The following ANKRD30B variants were observed in gnomAD, a reference collection of about 807,000 sequenced individuals.
ANKRD30B encodes the protein ankyrin repeat domain 30B.
A neutral mutation model predicts 202.2 loss-of-function variants in ANKRD30B; 144 were observed. That is an observed-to-expected ratio of 0.71 (90% CI 0.62 to 0.82). ANKRD30B has a LOEUF of 0.82. Ranked by LOEUF, ANKRD30B falls within the 40% of genes least tolerant of loss-of-function variation. ANKRD30B has a pLI of 0.00. For missense variants in ANKRD30B, 1,487 were observed against 1,669.1 expected, an observed-to-expected ratio of 0.89 and a Z score of 1.90; for synonymous variants, 508 against 561.3, an observed-to-expected ratio of 0.91 and a Z score of 1.34.
intron 30 of ANKRD30B, among the ~76,000 whole-genome samples, chr18:14,821,733 C>G (rs992775959): frequency 1.3e-5 from 2 of 152,176 alleles, no homozygotes; most frequent in Non-Finnish European, 2.9e-5. Flanking sequence ...TCTGGAGTTA[C>G]AGGCATGAGC....
chr18:14,859,967 G>A, the ANKRD30B span, among the ~76,000 whole-genome samples: 1 of 134,556 alleles, frequency 7.4e-6, no homozygotes. Flanking sequence ...CCCAGATGGG[G>A]CGACCGGGAA....
chr18:14,904,858 A>G, the ANKRD30B span, among the ~76,000 whole-genome samples: 1 of 152,182 alleles, frequency 6.6e-6, no homozygotes, highest in Non-Finnish European at 1.5e-5. Context: ...CTCCATCTTG[A>G]ATAGGGGCAT....
At chr18:14,940,467 G>A in the ANKRD30B span, among the ~76,000 whole-genome samples, 1 of 152,324 alleles carries the variant, frequency 6.6e-6, no homozygotes, top group Non-Finnish European at 1.5e-5. Flanking sequence ...CAGGCATGTG[G>A]GAAGGAGGGA....
intron 34 of ANKRD30B, among the ~76,000 whole-genome samples, chr18:14,832,048 AAC>A (rs1970971924): frequency 3.3e-5 from 5 of 151,982 alleles, no homozygotes; most frequent in Admixed American, 3.3e-4. Flanking sequence ...TCTTTAATTA[AAC>A]ACCAAAATAA....
chr18:14,805,514 T>G (rs1277350628), intron 24 of ANKRD30B, among the ~76,000 whole-genome samples: 4 of 150,256 alleles, frequency 2.7e-5, no homozygotes, highest in Admixed American at 2.6e-4. Context: ...AATCAATGAA[T>G]ATTTATATTT....
chr18:14,866,440 C>T, the ANKRD30B span, among the ~76,000 whole-genome samples: 15 of 152,082 alleles, frequency 9.9e-5, no homozygotes, highest in South Asian at 6.2e-4. Context: ...AGATGGCAGC[C>T]GGGGCGGTAG....
intron 9 of ANKRD30B, among the ~76,000 whole-genome samples, chr18:14,777,393 G>T (rs1967424188): frequency 6.6e-6 from 1 of 151,806 alleles, no homozygotes; most frequent in African/African-American, 2.4e-5. Flanking sequence ...CACCTCCCAG[G>T]TTCCATCGAT....
the ANKRD30B span, among the ~76,000 whole-genome samples, chr18:14,931,872 T>A: frequency 1.4e-5 from 1 of 69,332 alleles, no homozygotes; most frequent in Non-Finnish European, 2.7e-5. Flanking sequence ...TGGCATTAGT[T>A]CAACTTCAGA....
At chr18:14,845,341 A>C (rs1443667881) in intron 39 of ANKRD30B, among the ~76,000 whole-genome samples, 1 of 152,412 alleles carries the variant, frequency 6.6e-6, no homozygotes, top group East Asian at 1.9e-4. Flanking sequence ...TCATTTATTA[A>C]ATAGGGAATT....
chr18:14,808,462 G>A (rs777183781), intron 24 of ANKRD30B, 89 bp from the exon 25 acceptor site: 8 of 1,293,282 alleles, frequency 6.2e-6, no homozygotes, highest in South Asian at 1.2e-5. Flanking sequence ...CAAGCATGAG[G>A]ACTCATCTTC....
At chr18:14,868,454 C>G in the ANKRD30B span, among the ~76,000 whole-genome samples, 4 of 152,292 alleles carry the variant, frequency 2.6e-5, no homozygotes, top group Admixed American at 6.5e-5. Context: ...TGTGATAAAC[C>G]TTAAGGGACA....
the ANKRD30B span, among the ~76,000 whole-genome samples, chr18:14,860,251 C>T: frequency 9.0e-5 from 13 of 144,088 alleles, no homozygotes; most frequent in African/African-American, 1.3e-4. Flanking sequence ...TGGGCAAAGG[C>T]GCTCCCCACT....
the ANKRD30B span, among the ~76,000 whole-genome samples, chr18:14,929,178 C>T: frequency 1.3e-3 from 197 of 152,288 alleles, no homozygotes; most frequent in African/African-American, 4.3e-3. Flanking sequence ...TTAGAGGAGT[C>T]GTGTGCCTCC....
At chr18:14,753,081 G>A (rs187185365) in intron 3 of ANKRD30B, 69 bp downstream of exon 3, 6 of 1,255,516 alleles carry the variant, frequency 4.8e-6, no homozygotes, top group Non-Finnish European at 5.3e-6. Context: ...CATATGTAAG[G>A]CTTTTATATT....
At chr18:14,811,092 AGAGT>A (rs1969889052) in intron 28 of ANKRD30B, among the ~76,000 whole-genome samples, 4 of 151,366 alleles carry the variant, frequency 2.6e-5, no homozygotes, top group African/African-American at 9.7e-5. Context: ...CCTGAGTGAC[AGAGT>A]GAGACTCCAT....
chr18:14,783,594 A>T (rs572106318), intron 12 of ANKRD30B, among the ~76,000 whole-genome samples: 1 of 152,298 alleles, frequency 6.6e-6, no homozygotes, highest in African/African-American at 2.4e-5. Flanking sequence ...TTATACTTGA[A>T]TAATAAGATT....
chr18:14,758,412 T>C (rs559255063), intron 5 of ANKRD30B, among the ~76,000 whole-genome samples: 389 of 152,284 alleles, frequency 2.6e-3, no homozygotes, highest in African/African-American at 8.9e-3. Flanking sequence ...TTTCCATTGA[T>C]TCTGTTGCTG....
At chr18:14,846,749 C>T (rs1971654615) in intron 39 of ANKRD30B, among the ~76,000 whole-genome samples, 1 of 151,854 alleles carries the variant, frequency 6.6e-6, no homozygotes, top group South Asian at 2.1e-4. Context: ...CTTCCTCAGC[C>T]TTCTTTTTTC....
At position 14,786,982 on chromosome 18, in the gene ANKRD30B, T is replaced by C. The variant is rs1968123115; in HGVS notation, c.1673-57T>C. On this transcript the variant is annotated intron_variant, in intron 14 of 43. Coordinates refer to ENST00000690538, the MANE Select transcript of ANKRD30B (RefSeq NM_001367607.2). ...ATGAAAGTAGACTTGTGTATGTTTT[T>C]AAAATTTATAGTAGAGAAATGTTCT... is the stretch of plus-strand genomic sequence containing the variant. 2.6e-6 allele frequency: 4 copies of C among 1,531,612 alleles called. No individual in the cohort carries two copies. The Admixed American group carries it at 7.6e-5, about 29-fold the overall frequency. The allele number at this position is 1,531,612 out of a possible 1,614,324, so 94.9% of individuals were successfully genotyped here. A position where few individuals can be genotyped will look rare whatever the true frequency, so the allele number is the denominator to read the frequency against.
Sources: allele counts gnomAD v4.1 joint callset (sites outside exome capture counted in the v4.1 genomes callset), GRCh38; gene constraint gnomAD v4.1.1; transcripts MANE v1.5; gene names NCBI Gene and HGNC (gene_info 2026-07-23, HGNC 2026-07-21).